DLG1: variants seen among roughly 807,000 people sequenced by gnomAD.
The protein encoded by DLG1 is discs large MAGUK scaffold protein 1, also known as disks large homolog 1.
DLG1 carries 42 observed loss-of-function variants against 123.4 expected under a neutral mutation model. That is an observed-to-expected ratio of 0.34 (90% CI 0.27 to 0.44). The LOEUF is 0.44. Ranked by LOEUF, DLG1 falls within the 20% of genes least tolerant of loss-of-function variation. The pLI is 1.00. For synonymous variants in DLG1, 317 were observed against 356.2 expected (o/e 0.89, Z 1.24); for missense variants, 942 against 1,082.6 (o/e 0.87, Z 1.82).
At chr3:197,183,498 A>G (rs1054034287) in intron 5 of DLG1, 14 of 1,305,226 alleles carry the variant, frequency 1.1e-5, no homozygotes, top group Middle Eastern at 2.3e-4. Context: ...TAAATAAAAA[A>G]TCTATATTAA....
chr3:197,106,862 A>G (rs143697041), intron 13 of DLG1, among the ~76,000 whole-genome samples: 5 of 152,320 alleles, frequency 3.3e-5, no homozygotes, highest in African/African-American at 1.2e-4. Context: ...CATTTTTAAA[A>G]ATGGAGAAAT....
intron 4 of DLG1, among the ~76,000 whole-genome samples, chr3:197,222,873 C>T (rs1024533597): frequency 1.3e-4 from 20 of 152,116 alleles, no homozygotes; most frequent in African/African-American, 4.8e-4. Context: ...TCTCTTAGGG[C>T]AGTTAGTAAA....
chr3:197,069,279 G>T lies in DLG1; in HGVS notation c.2006-19C>A. On this transcript the variant is annotated intron_variant, in intron 18 of 24. Transcript: ENST00000667157. The stretch of plus-strand genomic sequence containing the variant: ...ACATGCTCTGAAATTGCAGGACAAT[G>T]AAAAAAAATAAAACAGTGTCATGAG... 1.3e-6 allele frequency: 2 copies of T among 1,558,644 alleles called. No homozygotes were observed. The highest frequency in any genetic ancestry group is 1.2e-5 in the South Asian group (1 of 83,306).
At chr3:197,204,439 T>C (rs1321144572) in intron 4 of DLG1, among the ~76,000 whole-genome samples, 2 of 152,208 alleles carry the variant, frequency 1.3e-5, no homozygotes, top group Non-Finnish European at 2.9e-5. Flanking sequence ...CACCTGCTAC[T>C]TTGTGATAGG....
chr3:197,268,083 C>T (rs1305858795), intron 4 of DLG1, among the ~76,000 whole-genome samples: 2 of 152,160 alleles, frequency 1.3e-5, no homozygotes, highest in Middle Eastern at 3.2e-3. Context: ...AAACATGTAT[C>T]ACTTTGGAAA....
rs1282868964 is a variant in DLG1 at position 197,051,640 on chromosome 3, G to A, written c.2512C>T (p.Gln838Ter). ...GCTCTCTCAAATGTTTTTCTGGCTTGTTCTTCTGTTAGACGCTTATTCATT... is the reference window on the plus strand; with the variant it reads ...GCTCTCTCAAATGTTTTTCTGGCTTATTCTTCTGTTAGACGCTTATTCATT... ...MEMNKRLTEEQARKTFERAMK... is the reference protein window; with the variant it reads ...MEMNKRLTEE Residue 838 changes from glutamine (Q) to a stop codon, truncating the protein, a stop_gained, in exon 24 of 25, where the codon CAA becomes TAA. Coordinates refer to ENST00000667157, the MANE Select transcript of DLG1 (RefSeq NM_001366207.1). LOFTEE classifies it high-confidence loss of function. The A allele has an allele frequency of 6.2e-7, 1 of 1,613,562 alleles. No homozygotes were observed. The highest frequency in any genetic ancestry group is 8.5e-7 in the Non-Finnish European group (1 of 1,179,738).
chr3:197,277,567 C>A (rs992339972), intron 4 of DLG1, among the ~76,000 whole-genome samples: 9 of 152,070 alleles, frequency 5.9e-5, no homozygotes, highest in African/African-American at 2.2e-4. Flanking sequence ...TCTTGAACTC[C>A]TGACCTCAGG....
At chr3:197,170,538 CA>C (rs1302824123) in intron 5 of DLG1, among the ~76,000 whole-genome samples, 1 of 152,056 alleles carries the variant, frequency 6.6e-6, no homozygotes, top group Admixed American at 6.6e-5. Context: ...GACTGTTGGC[CA>C]CTTTTGAACA....
rs1318239940 is a variant in DLG1, at chr3:197,179,070, G to T, written c.483+15355C>A. Among the ~76,000 whole-genome samples, 2 of 152,096 alleles carry T rather than the reference G, an allele frequency of 1.3e-5. 1 individual carries two copies. The highest frequency in any genetic ancestry group is 2.9e-5 in the Non-Finnish European group (2 of 68,014). On this transcript the variant is annotated intron_variant, in intron 5 of 24. Coordinates refer to ENST00000667157, the MANE Select transcript of DLG1 (RefSeq NM_001366207.1). Reference sequence around the variant, plus strand: ...ACAGTTCATTTATTTTAGCAGGCTGGAACACAAAGCAAGATTATTTATTTG... The same window carrying T: ...ACAGTTCATTTATTTTAGCAGGCTGTAACACAAAGCAAGATTATTTATTTG...
At chr3:197,280,351 G>GTGTGTA (rs1210313143) in intron 4 of DLG1, among the ~76,000 whole-genome samples, 1 of 151,778 alleles carries the variant, frequency 6.6e-6, no homozygotes, top group Non-Finnish European at 1.5e-5. Flanking sequence ...GTGTGTGTGT[G>GTGTGTA]TGTGTGTGTG....
At chr3:197,120,343 T>G (rs1457591421) in intron 11 of DLG1, among the ~76,000 whole-genome samples, 1 of 150,234 alleles carries the variant, frequency 6.7e-6, no homozygotes, top group Non-Finnish European at 1.5e-5. Flanking sequence ...CACATATAGG[T>G]TTTCCATTCT....
chr3:197,067,706 T>C (rs965836992), intron 19 of DLG1, among the ~76,000 whole-genome samples: 7 of 152,076 alleles, frequency 4.6e-5, no homozygotes, highest in African/African-American at 1.7e-4. Flanking sequence ...TACAGGCATG[T>C]GCCATCATGC....
chr3:197,109,617 T>A (rs1027478776), intron 13 of DLG1, among the ~76,000 whole-genome samples: 2 of 152,230 alleles, frequency 1.3e-5, no homozygotes, highest in African/African-American at 4.8e-5. Flanking sequence ...CATGTGGATT[T>A]GAGTTACTCT....
At chr3:197,054,581 A>C (rs1730348580) in intron 23 of DLG1, among the ~76,000 whole-genome samples, 1 of 151,866 alleles carries the variant, frequency 6.6e-6, no homozygotes, top group Non-Finnish European at 1.5e-5. Flanking sequence ...CTTTTGGTTT[A>C]TTTTTAGGTT....
chr3:197,199,923 G>C (rs1042414273), intron 4 of DLG1, among the ~76,000 whole-genome samples: 7 of 152,118 alleles, frequency 4.6e-5, no homozygotes, highest in African/African-American at 1.7e-4. Flanking sequence ...AATGATTATA[G>C]TAAGAACATT....
intron 18 of DLG1, among the ~76,000 whole-genome samples, chr3:197,073,827 G>A (rs1745607886): frequency 6.6e-6 from 1 of 151,594 alleles, no homozygotes; most frequent in African/African-American, 2.4e-5. Context: ...GATATTCAGT[G>A]TTATTCCATT....
chr3:197,186,340 G>A (rs1715976619), intron 5 of DLG1, among the ~76,000 whole-genome samples: 1 of 152,152 alleles, frequency 6.6e-6, no homozygotes. Flanking sequence ...GTTCATTAAA[G>A]AAAAACCTGG....
chr3:197,085,774 A>C lies in DLG1; in HGVS notation c.1662-18T>G, dbSNP rs752695884. On this transcript the variant is annotated intron_variant, in intron 15 of 24. Transcript: ENST00000667157. Reference sequence around the variant, plus strand: ...AAAGGGCTCTAGAGTCAGAAGAAAAAAAGTCCATAATCACTTGTTATAATA... The same window carrying C: ...AAAGGGCTCTAGAGTCAGAAGAAAACAAGTCCATAATCACTTGTTATAATA... The C allele has an allele frequency of 6.2e-7, 1 of 1,602,332 alleles. No individual in the cohort carries two copies. The highest frequency in any genetic ancestry group is 1.7e-5 in the Admixed American group (1 of 57,174).
chr3:197,097,828 C>T (rs369194882), intron 14 of DLG1, among the ~76,000 whole-genome samples: 122 of 152,152 alleles, frequency 8.0e-4, no homozygotes, highest in South Asian at 3.5e-3. Flanking sequence ...GAGTCGCCCA[C>T]CTCAGCCTCC....
Sources: gnomAD v4.1 joint callset for allele counts (sites outside exome capture counted in the v4.1 genomes callset) on GRCh38, gnomAD v4.1.1 for gene constraint, MANE v1.5 for transcripts, NCBI Gene and HGNC (gene_info 2026-07-23, HGNC 2026-07-21) for gene names.